MALAT1: variants seen among roughly 807,000 people sequenced by gnomAD.
The protein encoded by MALAT1 is metastasis associated lung adenocarcinoma transcript 1.
intron 3 of MALAT1, chr11:65,506,000 TC>T: frequency 2.2e-6 from 1 of 464,088 alleles, no homozygotes; most frequent in Non-Finnish European, 4.2e-6. Flanking sequence ...GAAGCTGATC[TC>T]CAATGCTCTT....
At chr11:65,501,667 G>T (rs551029127) in exon 3 of MALAT1, 1 of 519,034 alleles carries the variant, frequency 1.9e-6, no homozygotes. Flanking sequence ...CACCTTCAGG[G>T]ACTGGAGCTG....
intron 3 of MALAT1, chr11:65,505,605 A>T (rs1422557725): frequency 1.9e-6 from 1 of 518,724 alleles, no homozygotes; most frequent in Admixed American, 1.9e-5. Context: ...TTCACCCCTC[A>T]CCTCGATGCA....
intron 1 of MALAT1, chr11:65,498,164 TC>T (rs747618009): frequency 1.2e-5 from 6 of 518,896 alleles, no homozygotes; most frequent in Non-Finnish European, 2.3e-5. Flanking sequence ...TCTGGGTGTG[TC>T]CCTGACTGGC....
exon 3 of MALAT1, chr11:65,503,144 T>C (rs1404637110): frequency 2.0e-6 from 1 of 508,904 alleles, no homozygotes; most frequent in East Asian, 5.5e-5. Flanking sequence ...ATCAGAAGAG[T>C]TGCTTCATTT....
intron 3 of MALAT1, chr11:65,506,038 T>C (rs767209353): frequency 6.6e-6 from 3 of 453,808 alleles, no homozygotes; most frequent in African/African-American, 6.3e-5. Flanking sequence ...GTTTTTCTTT[T>C]CCTGAGAAAA....
At chr11:65,500,802 G>T in exon 3 of MALAT1, 1 of 518,960 alleles carries the variant, frequency 1.9e-6, no homozygotes, top group Non-Finnish European at 3.8e-6. Context: ...TGTTTTTCTG[G>T]AACTTACTTA....
chr11:65,498,529 T>G (rs770700329), intron 1 of MALAT1: 1 of 518,114 alleles, frequency 1.9e-6, no homozygotes, highest in East Asian at 5.4e-5. Flanking sequence ...GCAAAACGTG[T>G]GGCTGTCTTG....
chr11:65,500,393 A>T (rs767809185), exon 3 of MALAT1: 3 of 518,842 alleles, frequency 5.8e-6, no homozygotes, highest in Non-Finnish European at 1.2e-5. Context: ...TTGACAGCTG[A>T]CCCAGGTGCT....
rs760783854 is a variant in MALAT1 at position 65,502,529 on chromosome 11, C to T, written n.3792C>T. The T allele has an allele frequency of 6.2e-6, 3 of 483,370 alleles. No individual in the cohort carries two copies. In the Admixed American group the frequency reaches 7.3e-5, roughly 12 times the overall value. The allele number at this position is 483,370 out of a possible 1,614,324, so 29.9% of individuals were successfully genotyped here. On this transcript the variant is annotated non_coding_transcript_exon_variant, in exon 3 of 4. Coordinates refer to ENST00000619449, the Ensembl canonical transcript of MALAT1. Reference sequence around the variant, plus strand: ...TGTAAATTGTTTATTTTAAACTTATCTGTTTGTAAATTGTAACTGATTAAG... The same window carrying T: ...TGTAAATTGTTTATTTTAAACTTATTTGTTTGTAAATTGTAACTGATTAAG...
chr11:65,498,649 C>G (rs576130602), intron 1 of MALAT1: 2 of 518,464 alleles, frequency 3.9e-6, no homozygotes, highest in Middle Eastern at 3.2e-4. Flanking sequence ...AAGTAAAGCC[C>G]TGAACTATCA....
intron 1 of MALAT1, chr11:65,498,488 C>G (rs750649471): frequency 3.9e-6 from 2 of 518,176 alleles, no homozygotes; most frequent in African/African-American, 3.9e-5. Flanking sequence ...AAGCAGACAG[C>G]CCGTGCTGCT....
intron 3 of MALAT1, chr11:65,505,946 T>C (rs775342839): frequency 2.3e-6 from 1 of 437,254 alleles, no homozygotes; most frequent in East Asian, 5.7e-5. Flanking sequence ...GCTAAGACTT[T>C]TTCAGGTGAA....
At chr11:65,500,960 A>G (rs1854532633) in exon 3 of MALAT1, 1 of 510,738 alleles carries the variant, frequency 2.0e-6, no homozygotes, top group Admixed American at 2.0e-5. Context: ...GAAGCTTTTG[A>G]GGGCAGACTG....
At chr11:65,498,219 G>C (rs775464437) in intron 1 of MALAT1, 1 of 518,918 alleles carries the variant, frequency 1.9e-6, no homozygotes, top group African/African-American at 1.9e-5. Flanking sequence ...CATTCGCTTA[G>C]TTGGTCTACT....
At chr11:65,504,690 C>G (rs1441808612) in intron 3 of MALAT1, 1 of 518,890 alleles carries the variant, frequency 1.9e-6, no homozygotes, top group South Asian at 1.4e-5. Flanking sequence ...AAGAAACATT[C>G]CAAACAAGCA....
exon 3 of MALAT1, chr11:65,499,331 T>TA (rs748937254): frequency 4.0e-6 from 2 of 501,152 alleles, no homozygotes; most frequent in South Asian, 1.4e-5. Flanking sequence ...CTTCATGGAG[T>TA]AAAAAATGTA....
exon 3 of MALAT1, chr11:65,503,808 GAC>G (rs1854609824): frequency 1.9e-6 from 1 of 515,910 alleles, no homozygotes; most frequent in Non-Finnish European, 3.9e-6. Context: ...AGGCAGGAAA[GAC>G]AAATTTTATT....
rs762930680 is a variant in MALAT1 at position 65,505,137 on chromosome 11, G to T, written n.5169-1123G>T. The T allele has an allele frequency of 5.8e-6, 3 of 518,972 alleles. No homozygotes were observed. In the Admixed American group the frequency reaches 5.8e-5, roughly 10 times the overall value. The allele number at this position is 518,972 out of a possible 1,614,324, so 32.1% of individuals were successfully genotyped here. A position where few individuals can be genotyped will look rare whatever the true frequency, so the allele number is the denominator to read the frequency against. On this transcript the variant is annotated intron_variant and non_coding_transcript_variant, in intron 3 of 3. Transcript: ENST00000619449. ...GCATGTGAGCAAACTGTGTTGGCGT[G>T]GGGGTGGAGGGGTGAGGTGGGCGCT...
chr11:65,497,757 C>T (rs756099294), exon 1 of MALAT1: 6 of 435,992 alleles, frequency 1.4e-5, no homozygotes, highest in South Asian at 5.0e-5. Context: ...CAGCCCGAGA[C>T]TTCTGTAAAG....
Sources: gnomAD v4.1 joint callset for allele counts on GRCh38, gnomAD v4.1.1 for gene constraint, MANE v1.5 for transcripts, NCBI Gene and HGNC (gene_info 2026-07-23, HGNC 2026-07-21) for gene names.